Variants in PCDHA3 observed in about 807,000 individuals in gnomAD.
The protein encoded by PCDHA3 is protocadherin alpha 3, also known as protocadherin alpha-3.
In PCDHA3, 41 loss-of-function variants were observed where a neutral mutation model predicts 62.2. The observed-to-expected ratio is 0.66, with a 90% CI of 0.51 to 0.86. The LOEUF is 0.86. PCDHA3 is among the 40% of genes least tolerant of loss of function. PCDHA3 has a pLI of 0.00. For synonymous variants in PCDHA3, 640 were observed against 555.4 expected, an observed-to-expected ratio of 1.15 and a Z score of -2.14; for missense variants, 1,304 against 1,241.2, an observed-to-expected ratio of 1.05 and a Z score of -0.76.
chr5:140,842,502 C>T, intron 1 of PCDHA3: 1 of 1,613,826 alleles, frequency 6.2e-7, no homozygotes, highest in South Asian at 1.1e-5. Context: ...CCCCATGTCC[C>T]CTTCAAGCTG....
chr5:140,822,636 T>A, intron 1 of PCDHA3: 1 of 1,610,778 alleles, frequency 6.2e-7, no homozygotes, highest in Non-Finnish European at 8.5e-7. Context: ...TTCTTGACGA[T>A]GTAAAGTCCA....
At chr5:140,966,097 C>T (rs1215509140) in intron 1 of PCDHA3, 2 of 154,754 alleles carry the variant, frequency 1.3e-5, no homozygotes, top group Non-Finnish European at 2.9e-5. Flanking sequence ...GTTAGATCCG[C>T]CGCCTGGGTG....
intron 3 of PCDHA3, among the ~76,000 whole-genome samples, chr5:140,992,706 G>T (rs1554253120): frequency 1.3e-5 from 2 of 152,138 alleles, no homozygotes; most frequent in Admixed American, 1.3e-4. Context: ...TAATGTTCCT[G>T]CCAGTATTCG....
At chr5:140,892,439 T>G (rs2063514217) in intron 1 of PCDHA3, among the ~76,000 whole-genome samples, 1 of 152,206 alleles carries the variant, frequency 6.6e-6, no homozygotes, top group Non-Finnish European at 1.5e-5. Context: ...TTATCTAAAA[T>G]TTACATGTAT....
chr5:140,959,301 G>A (rs139206577), intron 1 of PCDHA3, among the ~76,000 whole-genome samples: 161 of 152,140 alleles, frequency 1.1e-3, no homozygotes, highest in Non-Finnish European at 1.1e-3. Context: ...CACTGAGCCC[G>A]GTGGTTGAAG....
chr5:140,925,124 A>AGGAAGGAAGG (rs1554202565), intron 1 of PCDHA3, among the ~76,000 whole-genome samples: 1 of 151,854 alleles, frequency 6.6e-6, no homozygotes. Flanking sequence ...GAAGGAAGGA[A>AGGAAGGAAGG]AAAAAATTTC....
intron 1 of PCDHA3, among the ~76,000 whole-genome samples, chr5:140,878,373 T>G (rs944129613): frequency 2.2e-4 from 34 of 152,258 alleles, no homozygotes; most frequent in African/African-American, 8.0e-4. Flanking sequence ...TGACATATGA[T>G]GAATGATTTT....
chr5:140,871,799 T>C (rs1183689356), intron 1 of PCDHA3, among the ~76,000 whole-genome samples: 2 of 152,196 alleles, frequency 1.3e-5, no homozygotes, highest in Non-Finnish European at 2.9e-5. Context: ...AAATAATTAC[T>C]ATTTTCACTA....
At chr5:140,968,017 C>A in intron 1 of PCDHA3, 1 of 1,614,216 alleles carries the variant, frequency 6.2e-7, no homozygotes, top group South Asian at 1.1e-5. Flanking sequence ...GCTTTGGAAA[C>A]TCCTATACAC....
intron 1 of PCDHA3, among the ~76,000 whole-genome samples, chr5:140,855,328 G>C (rs1554147750): frequency 6.7e-6 from 1 of 149,766 alleles, no homozygotes; most frequent in East Asian, 1.9e-4. Context: ...GGAGGGAGAG[G>C]TTAAACGATT....
At chr5:140,952,955 A>G (rs1244776708) in intron 1 of PCDHA3, among the ~76,000 whole-genome samples, 1 of 152,044 alleles carries the variant, frequency 6.6e-6, no homozygotes, top group Non-Finnish European at 1.5e-5. Context: ...AGAAGGGGGA[A>G]GTGATACACA....
chr5:140,835,661 C>A (rs2150241056), intron 1 of PCDHA3: 5 of 1,613,768 alleles, frequency 3.1e-6, no homozygotes, highest in Non-Finnish European at 4.2e-6. Flanking sequence ...TGGTGGTTAC[C>A]GCGCGGGACG....
chr5:140,979,122 T>C (rs1271679977), intron 2 of PCDHA3, 115 bp downstream of exon 2: 2 of 1,493,778 alleles, frequency 1.3e-6, no homozygotes, highest in African/African-American at 2.8e-5. Flanking sequence ...TTAGGTACTT[T>C]GCCAGGAAAA....
intron 3 of PCDHA3, among the ~76,000 whole-genome samples, chr5:140,983,123 G>A (rs781811003): frequency 2.0e-5 from 3 of 152,198 alleles, no homozygotes; most frequent in Non-Finnish European, 4.4e-5. Flanking sequence ...ACAACATTCT[G>A]CAGACTGACT....
intron 3 of PCDHA3, among the ~76,000 whole-genome samples, chr5:141,005,079 T>TTAGTACTTTACA (rs1375552328): frequency 3.3e-5 from 5 of 152,356 alleles, no homozygotes; most frequent in Non-Finnish European, 7.3e-5. Flanking sequence ...AGGATCAAGC[T>TTAGTACTTTACA]TAGTACTTTA....
chr5:140,872,209 T>C (rs900203010), intron 1 of PCDHA3, among the ~76,000 whole-genome samples: 4 of 152,214 alleles, frequency 2.6e-5, no homozygotes, highest in South Asian at 2.1e-4. Context: ...AAATTCATTA[T>C]ATATGAAACA....
At chr5:140,846,469 G>T (rs1554141344) in intron 1 of PCDHA3, among the ~76,000 whole-genome samples, 1 of 143,096 alleles carries the variant, frequency 7.0e-6, no homozygotes, top group Non-Finnish European at 1.5e-5. Flanking sequence ...CTGCCTCCCG[G>T]GTTCAAATGA....
chr5:140,930,747 CAT>C (rs2087070106), intron 1 of PCDHA3, among the ~76,000 whole-genome samples: 1 of 152,116 alleles, frequency 6.6e-6, no homozygotes, highest in Non-Finnish European at 1.5e-5. Context: ...AATAAATTTA[CAT>C]ATGTTAAAAT....
rs2150483646 is a variant in PCDHA3 at position 140,850,423 on chromosome 5, C to G, written c.2394+46832C>G. ...CGTGCCCTGGACGAAACGGACGCAC[C>G]GCGCCAGCGCCTACTGGTGCTGGTG... is the stretch of plus-strand genomic sequence containing the variant. On this transcript the variant is annotated intron_variant, in intron 1 of 3. Transcript: ENST00000522353. 10 of 1,597,882 alleles carry G rather than the reference C, an allele frequency of 6.3e-6. 2 individuals are homozygous for G. Among genetic ancestry groups the G allele is most frequent in the Non-Finnish European group, 7.7e-6 (9 of 1,167,708 alleles).
Sources: allele counts gnomAD v4.1 joint callset (sites outside exome capture counted in the v4.1 genomes callset), GRCh38; gene constraint gnomAD v4.1.1; transcripts MANE v1.5; gene names NCBI Gene and HGNC (gene_info 2026-07-23, HGNC 2026-07-21).